The following ZFYVE28 variants were observed in gnomAD, a reference collection of about 807,000 sequenced individuals.
ZFYVE28 encodes the protein zinc finger FYVE-type containing 28.
ZFYVE28 carries 40 observed loss-of-function variants against 82.1 expected under a neutral mutation model. The ratio of observed to expected loss-of-function variants is 0.49; its 90% CI spans 0.38 to 0.63. ZFYVE28 has a LOEUF of 0.63. ZFYVE28 is among the 30% of genes least tolerant of loss of function. The pLI is 0.00. For missense variants in ZFYVE28, 1,321 were observed against 1,242.1 expected, an observed-to-expected ratio of 1.06 and a Z score of -0.96; for synonymous variants, 612 against 546.1, an observed-to-expected ratio of 1.12 and a Z score of -1.68.
Position 2,305,656 on chromosome 4 carries a change from G to A in ZFYVE28, c.804-120C>T, listed in dbSNP as rs750138363. Reference sequence around the variant, plus strand: ...GCAGAACAACAGCCAGGCACTGAATGCTTGCAACTGAATTCTCAAGGCACC... The same window carrying A: ...GCAGAACAACAGCCAGGCACTGAATACTTGCAACTGAATTCTCAAGGCACC... On this transcript the variant is annotated intron_variant, in intron 7 of 12. Coordinates refer to ENST00000290974, the MANE Select transcript of ZFYVE28 (RefSeq NM_020972.3). The A allele has an allele frequency of 4.2e-6, 5 of 1,203,024 alleles. No individual in the cohort carries two copies. The Admixed American group carries it at 9.9e-5, about 24-fold the overall frequency. The allele number at this position is 1,203,024 out of a possible 1,614,324, so 74.5% of individuals were successfully genotyped here.
At position 2,340,120 on chromosome 4, in the gene ZFYVE28, G is replaced by A. The variant is rs1011549621; in HGVS notation, c.319-465C>T. 2.0e-4 allele frequency among the ~76,000 whole-genome samples: 31 copies of A among 152,174 alleles called. 3 individuals carry two copies. The highest frequency in any genetic ancestry group is 1.8e-3 in the Admixed American group (27 of 15,280). The stretch of plus-strand genomic sequence containing the variant: ...GTGCTCCCAGGGATGAAGCAGCCGG[G>A]CTGATCCGGGCCCGAGGTCCCCAGC... On this transcript the variant is annotated intron_variant, in intron 3 of 12. Transcript: ENST00000290974.
intron 1 of ZFYVE28, among the ~76,000 whole-genome samples, chr4:2,383,339 C>T (rs778802105): frequency 6.6e-6 from 1 of 152,068 alleles, no homozygotes; most frequent in Non-Finnish European, 1.5e-5. Flanking sequence ...ATGGTTTTAT[C>T]AGGGGTTTTC....
intron 1 of ZFYVE28, among the ~76,000 whole-genome samples, chr4:2,392,960 A>G (rs1296154799): frequency 1.3e-5 from 2 of 152,274 alleles, no homozygotes; most frequent in East Asian, 1.9e-4. Flanking sequence ...TTACAAGAAA[A>G]GAAAAAAGCT....
At position 2,305,014 on chromosome 4, in the gene ZFYVE28, G is replaced by A. The variant is rs144477285; in HGVS notation, c.1326C>T (p.Gly442=). 4.5e-4 allele frequency: 725 copies of A among 1,612,688 alleles called. 5 individuals carry two copies. In the African/African-American group the frequency reaches 7.2e-3, roughly 16 times the overall value. ...DPQEKGQGGP[G]GAAGISLPAS... ...CGGGCAAGCTGATCCCCGCCGCTCC[G>A]CCTGGCCCACCCTGCCCTTTCTCCT... is the stretch of plus-strand genomic sequence containing the variant. The change falls in exon 8 of 13, where the codon GGC becomes GGT. Residue 442 remains glycine, a synonymous_variant. Coordinates refer to ENST00000290974, the MANE Select transcript of ZFYVE28 (RefSeq NM_020972.3).
chr4:2,366,923 G>A (rs923794455), intron 1 of ZFYVE28, among the ~76,000 whole-genome samples: 5 of 152,240 alleles, frequency 3.3e-5, no homozygotes, highest in Non-Finnish European at 7.3e-5. Context: ...TGTTCTGCAA[G>A]CCAAGCCAGA....
intron 7 of ZFYVE28, among the ~76,000 whole-genome samples, chr4:2,312,455 G>A (rs767756640): frequency 3.7e-4 from 56 of 152,140 alleles, no homozygotes; most frequent in Non-Finnish European, 6.2e-4. Flanking sequence ...GGGGCCGGGC[G>A]CGGTGGCTCA....
In ZFYVE28 at chr4:2,308,618, GA is replaced by G. The variant is rs1716939545; in HGVS notation, c.804-3083del. Among the ~76,000 whole-genome samples the G allele has an allele frequency of 6.7e-5, 8 of 118,778 alleles. No individual in the cohort carries two copies. In the South Asian group the frequency reaches 1.7e-3, roughly 25 times the overall value. 77.9% of individuals were successfully genotyped at this position (118,778 alleles called of 152,430 possible). A position where few individuals can be genotyped will look rare whatever the true frequency, so the allele number is the denominator to read the frequency against. On this transcript the variant is annotated intron_variant, in intron 7 of 12. Coordinates refer to ENST00000290974, the MANE Select transcript of ZFYVE28 (RefSeq NM_020972.3). The stretch of plus-strand genomic sequence containing the variant: ...GGAGAGACAGAGAGAGAGAAAGAAA[GA>G]AAGAAGACAGAAAGAAAGAAAGAAA...
At chr4:2,299,552 A>G (rs888506574) in intron 8 of ZFYVE28, among the ~76,000 whole-genome samples, 1 of 124,422 alleles carries the variant, frequency 8.0e-6, no homozygotes, top group Non-Finnish European at 1.7e-5. Flanking sequence ...CCAGACAGGG[A>G]GCTGTGTTTG....
At position 2,320,357 on chromosome 4, in the gene ZFYVE28, C is replaced by T; in HGVS notation, c.702-86G>A. ...GGCCCAACTTAACCACCTGCGAAAA[C>T]CACGCCCGCTGGGACTCTGCAGCGC... On this transcript the variant is annotated intron_variant, in intron 6 of 12. Transcript: ENST00000290974. The surrounding 1 kb of genome is among the most constrained non-coding windows in gnomAD (Gnocchi z 5.1). The T allele has an allele frequency of 8.1e-7, 1 of 1,233,948 alleles. No homozygotes were observed. The highest frequency in any genetic ancestry group is 1.2e-6 in the Non-Finnish European group (1 of 868,472). 76.4% of individuals were successfully genotyped at this position (1,233,948 alleles called of 1,614,324 possible).
Position 2,273,416 on chromosome 4 carries a change from C to T in ZFYVE28, c.2207-127G>A, listed in dbSNP as rs1577846571. ...CAGGCCAGCGTGTTCTCAGATCAGTCAGGGAGGGAGGAGGCCCAACCCCTT... is the reference window on the plus strand; with the variant it reads ...CAGGCCAGCGTGTTCTCAGATCAGTTAGGGAGGGAGGAGGCCCAACCCCTT... On this transcript the variant is annotated intron_variant, in intron 9 of 12. Transcript: ENST00000290974. 4.0e-5 allele frequency: 32 copies of T among 805,826 alleles called. No homozygotes were observed. The East Asian group carries it at 8.1e-4, about 20-fold the overall frequency. The allele number at this position is 805,826 out of a possible 1,614,324, so 49.9% of individuals were successfully genotyped here. A position where few individuals can be genotyped will look rare whatever the true frequency, so the allele number is the denominator to read the frequency against.
chr4:2,304,922 A>T lies in ZFYVE28; in HGVS notation c.1418T>A (p.Leu473His). 1.2e-6 allele frequency: 2 copies of T among 1,612,550 alleles called. No homozygotes were observed. The highest frequency in any genetic ancestry group is 1.1e-5 in the South Asian group (1 of 91,082). ...LEAEGTDGAS[L>H]AGTSSCSCLD... ...GCAGCTGCAGGAGCTGGTGCCCGCG[A>T]GGCTGGCCCCATCTGTGCCCTCGGC... Residue 473 changes from leucine to histidine, a missense_variant, in exon 8 of 13, where the codon CTC becomes CAC. Coordinates refer to ENST00000290974, the MANE Select transcript of ZFYVE28 (RefSeq NM_020972.3).
rs774263139 is a variant in ZFYVE28, at chr4:2,274,213, G to A, written c.2055C>T (p.Ser685=). The change falls in exon 9 of 13, where the codon AGC becomes AGT. Residue 685 remains serine (S), a synonymous_variant. Transcript: ENST00000290974. ...EAPQALSGSS[S]STAGSCSSDK... ...CTGAGGAGCAGGACCCAGCTGTGGA[G>A]CTGCTGCATGGAGAAGGAGATACCG... 1.2e-6 allele frequency: 2 copies of A among 1,612,856 alleles called. No individual in the cohort carries two copies.
intron 2 of ZFYVE28, among the ~76,000 whole-genome samples, chr4:2,351,646 G>T (rs1724467331): frequency 2.0e-5 from 3 of 152,190 alleles, no homozygotes; most frequent in Admixed American, 2.0e-4. Flanking sequence ...CCTGGGAGGT[G>T]GAGGTTGCAG....
At chr4:2,290,758 T>C (rs59909439) in intron 8 of ZFYVE28, among the ~76,000 whole-genome samples, 34,691 of 151,934 alleles carry the variant, frequency 0.23, 7,538 homozygotes, top group African/African-American at 0.56. Context: ...CTCACCTGGC[T>C]CCTTGCTTCC....
chr4:2,404,165 A>C (rs1303350465), intron 1 of ZFYVE28, among the ~76,000 whole-genome samples: 2 of 151,336 alleles, frequency 1.3e-5, no homozygotes, highest in African/African-American at 4.9e-5. Flanking sequence ...ATAAAAATAC[A>C]AAAAAAATTA....
chr4:2,278,754 A>C (rs951637075), intron 8 of ZFYVE28, among the ~76,000 whole-genome samples: 3 of 107,390 alleles, frequency 2.8e-5, no homozygotes, highest in African/African-American at 2.4e-4. Flanking sequence ...CAAAAAGACC[A>C]AAAAAAAAAA....
chr4:2,308,633 G>GAAAGAA (rs1486973435), intron 7 of ZFYVE28, among the ~76,000 whole-genome samples: 7 of 101,426 alleles, frequency 6.9e-5, no homozygotes, highest in African/African-American at 2.4e-4. Context: ...AAGACAGAAA[G>GAAAGAA]AAAGAAAGAA....
At chr4:2,384,635 C>T (rs376840803) in intron 1 of ZFYVE28, among the ~76,000 whole-genome samples, 1 of 151,938 alleles carries the variant, frequency 6.6e-6, no homozygotes, top group African/African-American at 2.4e-5. Context: ...CCTCAGGGCC[C>T]GGTGGGAAGG....
At position 2,305,042 on chromosome 4, in the gene ZFYVE28, G is replaced by T. The variant is rs1162194905; in HGVS notation, c.1298C>A (p.Pro433His). Residue 433 changes from proline (P) to histidine (H), a missense_variant, in exon 8 of 13, where the codon CCC (proline) becomes CAC (histidine). Coordinates refer to ENST00000290974, the MANE Select transcript of ZFYVE28 (RefSeq NM_020972.3). ...FGWAGSTWAD[P>H]QEKGQGGPGG... Reference sequence around the variant, plus strand: ...TGGCCCACCCTGCCCTTTCTCCTGGGGGTCGGCCCAGGTACTGCCTGCCCA... The same window carrying T: ...TGGCCCACCCTGCCCTTTCTCCTGGTGGTCGGCCCAGGTACTGCCTGCCCA... 6.2e-7 allele frequency: 1 copy of T among 1,612,610 alleles called. No homozygotes were observed. Among genetic ancestry groups the T allele is most frequent in the African/African-American group, 1.3e-5 (1 of 75,064 alleles).
Sources: gnomAD v4.1 joint callset for allele counts (sites outside exome capture counted in the v4.1 genomes callset) on GRCh38, gnomAD v4.1.1 for gene constraint, Gnocchi (gnomAD v3.1) non-coding constraint, MANE v1.5 for transcripts, NCBI Gene and HGNC (gene_info 2026-07-23, HGNC 2026-07-21) for gene names.